NXPE3: variants seen among roughly 807,000 people sequenced by gnomAD.
NXPE3 encodes NXPE family member 3.
NXPE3 carries 26 observed loss-of-function variants against 46.1 expected under a neutral mutation model. The observed-to-expected ratio is 0.56, with a 90% CI of 0.41 to 0.78. The LOEUF (loss-of-function observed/expected upper bound fraction) is 0.78, where lower values mean the gene tolerates loss of function less well. Among genes scored for constraint, NXPE3 ranks in the 30% least tolerant of loss-of-function variants. The probability of loss-of-function intolerance (pLI) is 0.00; values close to 1 mark genes in which losing one functional copy is unlikely to be tolerated. For synonymous variants in NXPE3, 272 were observed against 257.9 expected (o/e 1.05, Z -0.52); for missense variants, 620 against 686.0 (o/e 0.90, Z 1.07).
chr3:101,800,704 G>A (rs1051412830), intron 4 of NXPE3, among the ~76,000 whole-genome samples: 3 of 142,372 alleles, frequency 2.1e-5, no homozygotes, highest in African/African-American at 7.7e-5. Context: ...GTTAAGGGTT[G>A]TTTTTTTTTT....
rs1942360872 is a variant in NXPE3, at chr3:101,823,692, T to G, written c.*1738T>G. 1 of 151,978 alleles carries G rather than the reference T, an allele frequency of 6.6e-6. No individual in the cohort carries two copies. The highest frequency in any genetic ancestry group is 1.5e-5 in the Non-Finnish European group (1 of 67,984). 9.4% of individuals were successfully genotyped at this position (151,978 alleles called of 1,614,324 possible). On this transcript the variant is annotated 3_prime_UTR_variant, in exon 8 of 8. Transcript: ENST00000273347. The stretch of plus-strand genomic sequence containing the variant: ...AGGCAGGGTGATTGATTGAGCCCAG[T>G]AGTTTGAGGCTGCAGTGAGTTATGA...
At chr3:101,818,250 G>A (rs1296894164) in intron 7 of NXPE3, among the ~76,000 whole-genome samples, 1 of 152,160 alleles carries the variant, frequency 6.6e-6, no homozygotes, top group Non-Finnish European at 1.5e-5. Context: ...TGTAAAGTCA[G>A]TTCCACTTTT....
rs745988821 is a variant in NXPE3 at position 101,816,815 on chromosome 3, T to G, written c.943T>G (p.Ser315Ala). 1.9e-6 allele frequency: 3 copies of G among 1,613,828 alleles called. No individual in the cohort carries two copies. In the African/African-American group the frequency reaches 4.0e-5, roughly 22 times the overall value. ...TGCAGAAACTAACAGTCTAGAACTA[T>G]CTCAAGGCTCAGGAACTTTTCCTTC... is the stretch of plus-strand genomic sequence containing the variant. ...RIKETNSLEL[S>A]QGSGTFPSGY... The change falls in exon 7 of 8, where the codon TCT becomes GCT. Residue 315 changes from serine to alanine, a missense_variant. Transcript: ENST00000273347.
rs1942460973 is a variant in NXPE3, at chr3:101,825,675, A to T, written c.*3721A>T. On this transcript the variant is annotated 3_prime_UTR_variant, in exon 8 of 8. Transcript: ENST00000273347. ...GTTAAATAGTCTTCATAAGTTAATT[A>T]TAAAGATCTGCTTAATAGTTCTGCT... 1 of 152,224 alleles carries T rather than the reference A, an allele frequency of 6.6e-6. No homozygotes were observed. Among genetic ancestry groups the T allele is most frequent in the South Asian group, 2.1e-4 (1 of 4,836 alleles). 9.4% of individuals were successfully genotyped at this position (152,224 alleles called of 1,614,324 possible). A position where few individuals can be genotyped will look rare whatever the true frequency, so the allele number is the denominator to read the frequency against.
Position 101,785,120 on chromosome 3 carries a change from A to T in NXPE3, c.-195-282A>T, listed in dbSNP as rs150443000. On this transcript the variant is annotated intron_variant, in intron 3 of 7. Transcript: ENST00000273347. ...ATTTAGCAGTTACTTTTATTTCACA[A>T]TTTCTGAGTTTGAAGACATACTTCC... 8.9e-4 allele frequency among the ~76,000 whole-genome samples: 135 copies of T among 152,318 alleles called. 1 individual carries two copies. The highest frequency in any genetic ancestry group is 2.9e-3 in the African/African-American group (119 of 41,564).
intron 5 of NXPE3, among the ~76,000 whole-genome samples, chr3:101,805,349 T>C (rs1941364335): frequency 6.6e-6 from 1 of 152,188 alleles, no homozygotes; most frequent in African/African-American, 2.4e-5. Flanking sequence ...TGTTTGGTTA[T>C]CTCTTTAATC....
chr3:101,798,754 A>T lies in NXPE3; in HGVS notation c.94-2481A>T, dbSNP rs994871056. 1.8e-4 allele frequency among the ~76,000 whole-genome samples: 27 copies of T among 151,844 alleles called. 1 individual carries two copies. The highest frequency in any genetic ancestry group is 1.6e-3 in the Admixed American group (25 of 15,228). On this transcript the variant is annotated intron_variant, in intron 4 of 7. Transcript: ENST00000273347. Reference sequence around the variant, plus strand: ...CAGCCTCCTGAGTAGCTGAGATTACAGGTGTGTACCACCACACCCAGCTAA... The same window carrying T: ...CAGCCTCCTGAGTAGCTGAGATTACTGGTGTGTACCACCACACCCAGCTAA...
intron 4 of NXPE3, among the ~76,000 whole-genome samples, chr3:101,791,605 C>T (rs950756211): frequency 7.9e-5 from 12 of 151,972 alleles, no homozygotes; most frequent in Non-Finnish European, 1.0e-4. Flanking sequence ...GGGCTGATCT[C>T]GAACTCGTGA....
intron 4 of NXPE3, among the ~76,000 whole-genome samples, chr3:101,786,925 A>G (rs1940220603): frequency 6.6e-6 from 1 of 152,070 alleles, no homozygotes; most frequent in African/African-American, 2.4e-5. Context: ...TTTACCCATT[A>G]AACAGTGATT....
intron 4 of NXPE3, among the ~76,000 whole-genome samples, 158 bp from the exon 5 acceptor site, chr3:101,801,077 G>T (rs575208235): frequency 1.3e-5 from 2 of 152,060 alleles, no homozygotes; most frequent in Non-Finnish European, 2.9e-5. Flanking sequence ...TTCTCTTCCC[G>T]GAAGCCCAAG....
chr3:101,798,753 C>T (rs1453776937), intron 4 of NXPE3, among the ~76,000 whole-genome samples: 3 of 151,684 alleles, frequency 2.0e-5, no homozygotes, highest in Admixed American at 1.3e-4. Context: ...GCTGAGATTA[C>T]AGGTGTGTAC....
chr3:101,801,430 T>G lies in NXPE3; in HGVS notation c.289T>G (p.Phe97Val). The change falls in exon 5 of 8, where the codon TTT (phenylalanine) becomes GTT (valine). Residue 97 changes from phenylalanine (F) to valine (V), a missense_variant. By Grantham distance (50) the Phe-to-Val change is conservative. This residue lies in a region of NXPE3 where 511 missense variants were observed against 528.6 expected (regional missense o/e 0.97). Coordinates refer to ENST00000273347, the MANE Select transcript of NXPE3 (RefSeq NM_145037.4). ...RQVPDVGPVP[F>V]VKSTDPSSSY... is the part of the protein sequence containing the mutation. ...GGTTCCTGATGTGGGCCCAGTCCCC[T>G]TTGTGAAGAGCACTGACCCTTCTTC... 1 of 1,614,176 alleles carries G rather than the reference T, an allele frequency of 6.2e-7. No homozygotes were observed. The highest frequency in any genetic ancestry group is 8.5e-7 in the Non-Finnish European group (1 of 1,180,030).
intron 4 of NXPE3, among the ~76,000 whole-genome samples, chr3:101,800,346 CTCTT>C (rs1200323080): frequency 1.3e-5 from 2 of 152,130 alleles, no homozygotes; most frequent in Non-Finnish European, 2.9e-5. Flanking sequence ...TTTTCCAGCT[CTCTT>C]TCTATTATTG....
Position 101,821,700 on chromosome 3 carries a change from A to C in NXPE3, c.1426A>C (p.Lys476Gln). The change falls in exon 8 of 8, where the codon AAG (lysine) becomes CAG (glutamine). Residue 476 changes from lysine (K) to glutamine (Q), a missense_variant. Lys to Gln is a moderately conservative substitution (Grantham distance 53, BLOSUM62 1). This residue lies in a region of NXPE3 where 75 missense variants were observed against 121.1 expected (regional missense o/e 0.62). Coordinates refer to ENST00000273347, the MANE Select transcript of NXPE3 (RefSeq NM_145037.4). ...AVVRLLDRSP[K>Q]TVVVIRTANA... ...GGTTCGGCTCCTCGATCGAAGCCCA[A>C]AGACCGTGGTGGTCATCCGGACGGC... The C allele has an allele frequency of 3.7e-6, 6 of 1,614,220 alleles. No individual in the cohort carries two copies. Among genetic ancestry groups the C allele is most frequent in the Non-Finnish European group, 3.4e-6 (4 of 1,180,036 alleles).
At chr3:101,802,375 T>C (rs1047480762) in intron 5 of NXPE3, among the ~76,000 whole-genome samples, 9 of 151,976 alleles carry the variant, frequency 5.9e-5, no homozygotes, top group African/African-American at 2.2e-4. Context: ...CCCAGCACTT[T>C]GGGAGGCTGA....
intron 4 of NXPE3, among the ~76,000 whole-genome samples, chr3:101,790,403 T>G (rs971070113): frequency 2.6e-5 from 4 of 152,210 alleles, no homozygotes; most frequent in Non-Finnish European, 5.9e-5. Flanking sequence ...GTTGTGAAAT[T>G]CTGTTCTTAG....
chr3:101,793,691 C>T (rs1171716768), intron 4 of NXPE3, among the ~76,000 whole-genome samples: 2 of 96,974 alleles, frequency 2.1e-5, no homozygotes, highest in Non-Finnish European at 3.9e-5. Context: ...GTAGGAAGTA[C>T]TATTCCTGTA....
chr3:101,797,121 G>A (rs1576746271), intron 4 of NXPE3, among the ~76,000 whole-genome samples: 1 of 152,252 alleles, frequency 6.6e-6, no homozygotes, highest in East Asian at 1.9e-4. Flanking sequence ...GGAATAGATG[G>A]AAATTTCAAA....
At chr3:101,809,868 T>G (rs544592705) in intron 6 of NXPE3, among the ~76,000 whole-genome samples, 4 of 152,306 alleles carry the variant, frequency 2.6e-5, no homozygotes, top group African/African-American at 9.6e-5. Flanking sequence ...CACCACAAGA[T>G]ATTTGAGGCT....
Sources: allele counts gnomAD v4.1 joint callset (sites outside exome capture counted in the v4.1 genomes callset), GRCh38; gene constraint gnomAD v4.1.1; regional missense constraint gnomAD v4.1.1; transcripts MANE v1.5; gene names NCBI Gene and HGNC (gene_info 2026-07-23, HGNC 2026-07-21).